The following CDH4 variants were observed in gnomAD, a reference collection of about 807,000 sequenced individuals.
The protein encoded by CDH4 is cadherin-4.
Under a neutral mutation model 86.0 loss-of-function variants are expected in CDH4, and 33 were observed. That is an observed-to-expected ratio of 0.38 (90% CI 0.29 to 0.51). CDH4 has a LOEUF of 0.51. Ranked by LOEUF, CDH4 falls within the 20% of genes least tolerant of loss-of-function variation. The probability of loss-of-function intolerance (pLI) is 0.86; values close to 1 mark genes in which losing one functional copy is unlikely to be tolerated. For missense variants in CDH4, 1,114 were observed against 1,307.4 expected, an observed-to-expected ratio of 0.85 and a Z score of 2.28; for synonymous variants, 555 against 549.4, an observed-to-expected ratio of 1.01 and a Z score of -0.14.
intron 4 of CDH4, among the ~76,000 whole-genome samples, chr20:61,827,772 G>A (rs1054009445): frequency 4.6e-5 from 7 of 152,114 alleles, no homozygotes; most frequent in Non-Finnish European, 8.8e-5. Context: ...CACACCAGCA[G>A]GCAAATGAAC....
At chr20:61,331,665 C>T (rs2084578875) in intron 2 of CDH4, among the ~76,000 whole-genome samples, 4 of 150,292 alleles carry the variant, frequency 2.7e-5, no homozygotes, top group African/African-American at 7.3e-5. Context: ...CCACCTGCCC[C>T]AGGCTCACCT....
intron 6 of CDH4, among the ~76,000 whole-genome samples, chr20:61,860,991 G>T (rs1983297301): frequency 6.6e-6 from 1 of 152,216 alleles, no homozygotes; most frequent in Admixed American, 6.5e-5. Flanking sequence ...GTCTAAAAAG[G>T]TGTGTTCTAT....
chr20:61,520,828 G>T (rs2085863663), intron 2 of CDH4, among the ~76,000 whole-genome samples: 1 of 152,178 alleles, frequency 6.6e-6, no homozygotes, highest in South Asian at 2.1e-4. Flanking sequence ...GGGAAAGCAG[G>T]ATTATAATCA....
At chr20:61,508,755 T>A (rs560711591) in intron 2 of CDH4, among the ~76,000 whole-genome samples, 1 of 152,272 alleles carries the variant, frequency 6.6e-6, no homozygotes, top group East Asian at 1.9e-4. Flanking sequence ...ATTTGAGCAG[T>A]TTCTTCAGCT....
rs186937406 is a variant in CDH4 at position 61,448,329 on chromosome 20, C to T, written c.169+193392C>T. Among the ~76,000 whole-genome samples, 16 of 152,236 alleles carry T rather than the reference C, an allele frequency of 1.1e-4. No individual in the cohort carries two copies. The East Asian group carries it at 1.7e-3, about 17-fold the overall frequency. On this transcript the variant is annotated intron_variant, in intron 2 of 15. Transcript: ENST00000614565. The stretch of plus-strand genomic sequence containing the variant: ...GAAACAAACCTGCACTCTTCCAGAC[C>T]GGAAAGGTATTATGCGAACGTTTTA...
intron 3 of CDH4, among the ~76,000 whole-genome samples, chr20:61,770,653 A>G (rs973187109): frequency 2.6e-5 from 4 of 152,190 alleles, no homozygotes; most frequent in African/African-American, 7.2e-5. Flanking sequence ...GGAGGCTGAG[A>G]CGGGAGGATC....
intron 1 of CDH4, among the ~76,000 whole-genome samples, chr20:61,254,275 G>A (rs984538854): frequency 2.0e-5 from 3 of 152,226 alleles, no homozygotes; most frequent in African/African-American, 7.2e-5. Context: ...CTCCCGCAGA[G>A]CTGCCTTCTT....
chr20:61,678,240 G>A (rs1270846010), intron 2 of CDH4, among the ~76,000 whole-genome samples: 1 of 152,058 alleles, frequency 6.6e-6, no homozygotes. Flanking sequence ...ATAGATTATG[G>A]ATGGATAGAT....
At chr20:61,485,306 ATTT>A (rs1284395434) in intron 2 of CDH4, among the ~76,000 whole-genome samples, 2 of 152,088 alleles carry the variant, frequency 1.3e-5, no homozygotes, top group African/African-American at 2.4e-5. Flanking sequence ...GCTTGGCTGG[ATTT>A]GGGGTGGCTA....
At chr20:61,797,726 G>A (rs1286457527) in intron 4 of CDH4, among the ~76,000 whole-genome samples, 4 of 152,240 alleles carry the variant, frequency 2.6e-5, no homozygotes, top group African/African-American at 9.6e-5. Context: ...ATTCAAGGCT[G>A]CAGTGAGCTG....
intron 2 of CDH4, among the ~76,000 whole-genome samples, chr20:61,454,681 G>A (rs890055693): frequency 6.6e-6 from 1 of 152,132 alleles, no homozygotes; most frequent in Admixed American, 6.5e-5. Context: ...TCCTGACCTC[G>A]TGATCCGCCC....
At chr20:61,831,371 T>C (rs1489537649) in intron 4 of CDH4, among the ~76,000 whole-genome samples, 1 of 152,232 alleles carries the variant, frequency 6.6e-6, no homozygotes, top group Non-Finnish European at 1.5e-5. Flanking sequence ...AGTTGTCCAT[T>C]TTAGCGAGCA....
chr20:61,374,008 C>T (rs908058264), intron 2 of CDH4, among the ~76,000 whole-genome samples: 18 of 152,114 alleles, frequency 1.2e-4, no homozygotes, highest in South Asian at 2.1e-4. Context: ...TGGCAGTGCG[C>T]ACGGCGGGTG....
intron 2 of CDH4, among the ~76,000 whole-genome samples, chr20:61,487,064 T>G (rs1279568782): frequency 6.6e-6 from 1 of 152,158 alleles, no homozygotes; most frequent in Non-Finnish European, 1.5e-5. Flanking sequence ...TCCAGGAGTT[T>G]TATAGGTTTG....
At chr20:61,514,054 C>G (rs1343587756) in intron 2 of CDH4, among the ~76,000 whole-genome samples, 1 of 152,216 alleles carries the variant, frequency 6.6e-6, no homozygotes, top group Non-Finnish European at 1.5e-5. Flanking sequence ...AGGGGCACGT[C>G]TCAGGAAGGC....
intron 2 of CDH4, among the ~76,000 whole-genome samples, chr20:61,634,577 G>T (rs2086927601): frequency 6.6e-6 from 1 of 152,224 alleles, no homozygotes; most frequent in Non-Finnish European, 1.5e-5. Context: ...GTGGCCTCCT[G>T]TGCCCATCGC....
intron 2 of CDH4, 85 bp from the exon 3 acceptor site, chr20:61,743,478 G>A: frequency 9.9e-7 from 1 of 1,014,270 alleles, no homozygotes; most frequent in Non-Finnish European, 1.5e-6. Context: ...CTGGGGGCCT[G>A]TAGGGCGTCC....
intron 3 of CDH4, among the ~76,000 whole-genome samples, chr20:61,765,741 G>A (rs1373506948): frequency 2.0e-5 from 3 of 152,156 alleles, no homozygotes; most frequent in Non-Finnish European, 4.4e-5. Flanking sequence ...GGCAGGGGCT[G>A]ACCTGGGCGG....
chr20:61,343,566 T>G (rs774480879), intron 2 of CDH4, among the ~76,000 whole-genome samples: 3 of 152,172 alleles, frequency 2.0e-5, no homozygotes, highest in Non-Finnish European at 2.9e-5. Flanking sequence ...TGCAGCAGTA[T>G]AAAACTCTCA....
Sources: allele counts gnomAD v4.1 joint callset (sites outside exome capture counted in the v4.1 genomes callset), GRCh38; gene constraint gnomAD v4.1.1; transcripts MANE v1.5; gene names NCBI Gene and HGNC (gene_info 2026-07-23, HGNC 2026-07-21).